Variants in C5orf22 observed in about 807,000 individuals in gnomAD.
C5orf22 encodes the protein UPF0489 protein C5orf22.
In C5orf22, 36 loss-of-function variants were observed where a neutral mutation model predicts 48.7. That is an observed-to-expected ratio of 0.74 (90% CI 0.57 to 0.98). The LOEUF (loss-of-function observed/expected upper bound fraction) is 0.98. Ranked by LOEUF, C5orf22 falls within the 50% of genes least tolerant of loss-of-function variation. The pLI is 0.00. For missense variants in C5orf22, 486 were observed against 521.9 expected (o/e 0.93, Z 0.67); for synonymous variants, 141 against 180.8 (o/e 0.78, Z 1.76).
intron 4 of C5orf22, among the ~76,000 whole-genome samples, chr5:31,540,370 A>G (rs891688057): frequency 3.9e-5 from 6 of 152,156 alleles, no homozygotes; most frequent in African/African-American, 1.4e-4. Flanking sequence ...AAGGGGAAAC[A>G]TTATCCTACA....
chr5:31,541,294 A>C lies in C5orf22; in HGVS notation c.884A>C (p.Asp295Ala), dbSNP rs377626743. 1.2e-5 allele frequency: 19 copies of C among 1,610,458 alleles called. No homozygotes were observed. Among genetic ancestry groups the C allele is most frequent in the Admixed American group, 3.3e-5 (2 of 59,984 alleles). The change falls in exon 6 of 9, where the codon GAT becomes GCT. Residue 295 changes from aspartate (D) to alanine (A), a missense_variant. This residue lies in a region of C5orf22 where 408 missense variants were observed against 444.0 expected (regional missense o/e 0.92). Coordinates refer to ENST00000325366, the MANE Select transcript of C5orf22 (RefSeq NM_018356.3). ...ATGTATTTAAAGGAAGATTTGGTAGATATTGTTGATACTCGAATTCATCAA... is the reference window on the plus strand; with the variant it reads ...ATGTATTTAAAGGAAGATTTGGTAGCTATTGTTGATACTCGAATTCATCAA... The part of the protein sequence containing the change: ...GTNLTEEDLV[D>A]IVDTRIHQLE...
chr5:31,552,565 T>A (rs1351806339), intron 8 of C5orf22, among the ~76,000 whole-genome samples: 1 of 152,224 alleles, frequency 6.6e-6, no homozygotes, highest in Non-Finnish European at 1.5e-5. Context: ...TGTGCCTATT[T>A]CATAGAGTTG....
intron 6 of C5orf22, 24 bp from the exon 7 acceptor site, chr5:31,545,622 T>A: frequency 1.3e-6 from 2 of 1,582,216 alleles, no homozygotes; most frequent in Admixed American, 1.7e-5. Flanking sequence ...TGATGTTTAA[T>A]TGAGTGGGAT....
Position 31,532,327 on chromosome 5 carries a change from G to T in C5orf22, c.-66G>T. 3 of 1,551,734 alleles carry T rather than the reference G, an allele frequency of 1.9e-6. No homozygotes were observed. Among genetic ancestry groups the T allele is most frequent in the Non-Finnish European group, 2.7e-6 (3 of 1,124,662 alleles). ...CCCGGAGAGAGCTGGCCGGGATGAG[G>T]CGCCGGCTTTCCCGGGTCTTCTCCA... On this transcript the variant is annotated 5_prime_UTR_variant, in exon 1 of 9. Transcript: ENST00000325366.
chr5:31,538,688 A>C lies in C5orf22; in HGVS notation c.806A>C (p.Gln269Pro). Residue 269 changes from glutamine (Q) to proline (P), a missense_variant and splice_region_variant, in exon 4 of 9, where the codon CAG (glutamine) becomes CCG (proline). Gln to Pro is a moderately conservative substitution (Grantham distance 76). This residue lies in a region of C5orf22 where 408 missense variants were observed against 444.0 expected (regional missense o/e 0.92). Coordinates refer to ENST00000325366, the MANE Select transcript of C5orf22 (RefSeq NM_018356.3). Reference protein sequence around the residue: ...VKNPFKEMFTQEEYKILQELY... With the variant: ...VKNPFKEMFTPEEYKILQELY... Reference sequence around the variant, plus strand: ...AATCCCTTCAAAGAAATGTTCACTCAGGTAAATAATTGTGTTTTTAACACA... The same window carrying C: ...AATCCCTTCAAAGAAATGTTCACTCCGGTAAATAATTGTGTTTTTAACACA... 1.2e-6 allele frequency: 2 copies of C among 1,604,730 alleles called. No individual in the cohort carries two copies. The highest frequency in any genetic ancestry group is 1.7e-6 in the Non-Finnish European group (2 of 1,174,018).
chr5:31,544,599 T>C (rs1580452425), intron 6 of C5orf22, among the ~76,000 whole-genome samples: 1 of 148,162 alleles, frequency 6.7e-6, no homozygotes, highest in Non-Finnish European at 1.5e-5. Flanking sequence ...AAAAAAAAAA[T>C]GCATCAATGT....
intron 4 of C5orf22, 57 bp from the exon 5 acceptor site, chr5:31,540,892 T>C: frequency 1.6e-6 from 2 of 1,261,484 alleles, no homozygotes; most frequent in Non-Finnish European, 2.3e-6. Flanking sequence ...AAGCATATCA[T>C]TAAAAAATTT....
chr5:31,539,157 A>G (rs957233770), intron 4 of C5orf22, among the ~76,000 whole-genome samples: 1 of 152,252 alleles, frequency 6.6e-6, no homozygotes, highest in African/African-American at 2.4e-5. Flanking sequence ...ATACAGTATA[A>G]CAACTATTTA....
At position 31,553,157 on chromosome 5, in the gene C5orf22, T is replaced by TG. The variant is rs199736333; in HGVS notation, c.*255_*256insG. The TG allele has an allele frequency of 0.019, 5,352 of 282,388 alleles. 277 individuals carry two copies. Among genetic ancestry groups the TG allele is most frequent in the African/African-American group, 0.1 (4,636 of 45,070 alleles). The allele number at this position is 282,388 out of a possible 1,614,324, so 17.5% of individuals were successfully genotyped here. On this transcript the variant is annotated 3_prime_UTR_variant, in exon 9 of 9. Transcript: ENST00000325366. Reference sequence around the variant, plus strand: ...TTAAGTATTTTTTAGGGTTTTGTTTTTTTTTTTGTTTGTTTGTTTGTTTGT... The same window carrying TG: ...TTAAGTATTTTTTAGGGTTTTGTTTTGTTTTTTTGTTTGTTTGTTTGTTTGT...
At position 31,551,432 on chromosome 5, in the gene C5orf22, G is replaced by C; in HGVS notation, c.1199G>C (p.Arg400Thr). Reference sequence around the variant, plus strand: ...AATCCTACTCTTGTGACAATTGCAAGGTAAGTGTGTTCAGCAGAATAATGG... The same window carrying C: ...AATCCTACTCTTGTGACAATTGCAACGTAAGTGTGTTCAGCAGAATAATGG... The part of the protein sequence containing the change: ...LPNPTLVTIA[R>T]SSLDDYCPSD... The change falls in exon 8 of 9, where the codon AGG (arginine) becomes ACG (threonine). Residue 400 changes from arginine (R) to threonine (T), a missense_variant and splice_region_variant. By Grantham distance (71) the Arg-to-Thr change is moderately conservative (BLOSUM62 -1). Coordinates refer to ENST00000325366, the MANE Select transcript of C5orf22 (RefSeq NM_018356.3). 6.2e-7 allele frequency: 1 copy of C among 1,607,946 alleles called. No individual in the cohort carries two copies. Among genetic ancestry groups the C allele is most frequent in the Non-Finnish European group, 8.5e-7 (1 of 1,177,466 alleles).
intron 3 of C5orf22, among the ~76,000 whole-genome samples, chr5:31,536,396 G>A (rs541482825): frequency 9.9e-5 from 15 of 152,224 alleles, no homozygotes; most frequent in African/African-American, 2.4e-4. Flanking sequence ...GGTGGCAGGC[G>A]CCTGTAGTCC....
At chr5:31,533,467 G>T (rs956995905) in intron 1 of C5orf22, among the ~76,000 whole-genome samples, 3 of 152,118 alleles carry the variant, frequency 2.0e-5, no homozygotes, top group African/African-American at 7.2e-5. Flanking sequence ...TTCTCTGGAC[G>T]TTAAAAAAGA....
At position 31,541,284 on chromosome 5, in the gene C5orf22, G is replaced by A; in HGVS notation, c.874G>A (p.Asp292Asn). The change falls in exon 6 of 9, where the codon GAT becomes AAT. Residue 292 changes from aspartate (D) to asparagine (N), a missense_variant. Around this residue, in one of 3 missense-constraint regions of C5orf22, gnomAD observed 408 missense variants for 444.0 expected, o/e 0.92. Transcript: ENST00000325366. ...KKPGTNLTEEDLVDIVDTRIH... is the reference protein window; with the variant it reads ...KKPGTNLTEENLVDIVDTRIH... ...CAGCTTTTCAATGTATTTAAAGGAA[G>A]ATTTGGTAGATATTGTTGATACTCG... is the stretch of plus-strand genomic sequence containing the variant. 1.9e-6 allele frequency: 3 copies of A among 1,610,778 alleles called. No homozygotes were observed. Among genetic ancestry groups the A allele is most frequent in the Non-Finnish European group, 2.5e-6 (3 of 1,177,094 alleles).
At chr5:31,540,267 TG>T (rs1192206169) in intron 4 of C5orf22, among the ~76,000 whole-genome samples, 2 of 152,312 alleles carry the variant, frequency 1.3e-5, no homozygotes, top group African/African-American at 4.8e-5. Flanking sequence ...TTTTAGCCCT[TG>T]GGTATAACCT....
chr5:31,541,205 G>A (rs1031878367), intron 5 of C5orf22, 76 bp from the exon 6 acceptor site: 2 of 1,497,746 alleles, frequency 1.3e-6, no homozygotes, highest in South Asian at 1.2e-5. Context: ...ATAGAGCCAA[G>A]TTTTTTTTGT....
chr5:31,534,175 A>G (rs921323297), intron 1 of C5orf22, 97 bp from the exon 2 acceptor site: 19 of 1,057,908 alleles, frequency 1.8e-5, no homozygotes, highest in Non-Finnish European at 2.6e-5. Flanking sequence ...TATGCTTTCA[A>G]TTATGTGCAT....
chr5:31,538,646 A>T lies in C5orf22; in HGVS notation c.764A>T (p.Asp255Val). The change falls in exon 4 of 9, where the codon GAT becomes GTT. Residue 255 changes from aspartate (D) to valine (V), a missense_variant. Asp to Val is a radical substitution (Grantham distance 152). This residue lies in a region of C5orf22 where 408 missense variants were observed against 444.0 expected (regional missense o/e 0.92). Coordinates refer to ENST00000325366, the MANE Select transcript of C5orf22 (RefSeq NM_018356.3). ...GKAFVLDIDLDFFSVKNPFKE... is the reference protein window; with the variant it reads ...GKAFVLDIDLVFFSVKNPFKE... ...GCATTTGTTTTAGATATTGACTTGG[A>T]TTTTTTTTCAGTCAAGAATCCCTTC... The T allele has an allele frequency of 6.2e-7, 1 of 1,613,280 alleles. No individual in the cohort carries two copies. Among genetic ancestry groups the T allele is most frequent in the Non-Finnish European group, 8.5e-7 (1 of 1,179,584 alleles).
Position 31,538,444 on chromosome 5 carries a change from G to C in C5orf22, c.562G>C (p.Glu188Gln). Reference protein sequence around the residue: ...KKPKLALEDSENTASTNCDSS... With the variant: ...KKPKLALEDSQNTASTNCDSS... ...ACCAAAGCTAGCCCTGGAAGATTCG[G>C]AAAACACTGCCTCTACTAACTGTGA... is the stretch of plus-strand genomic sequence containing the variant. The change falls in exon 4 of 9, where the codon GAA becomes CAA. Residue 188 changes from glutamate (E) to glutamine (Q), a missense_variant. Transcript: ENST00000325366. 1 of 1,614,176 alleles carries C rather than the reference G, an allele frequency of 6.2e-7. No individual in the cohort carries two copies. The highest frequency in any genetic ancestry group is 8.5e-7 in the Non-Finnish European group (1 of 1,180,020).
Position 31,552,768 on chromosome 5 carries a change from T to G in C5orf22, c.1200-5T>G. The stretch of plus-strand genomic sequence containing the variant: ...TTTTCTTCTTTCTCTTTCTGTTGGT[T>G]CTAGGTCAAGTCTGGATGATTACTG... On this transcript the variant is annotated splice_region_variant and splice_polypyrimidine_tract_variant and intron_variant, in intron 8 of 8. Coordinates refer to ENST00000325366, the MANE Select transcript of C5orf22 (RefSeq NM_018356.3). The G allele has an allele frequency of 6.2e-7, 1 of 1,612,430 alleles. No individual in the cohort carries two copies. The highest frequency in any genetic ancestry group is 8.5e-7 in the Non-Finnish European group (1 of 1,179,064).
Sources: gnomAD v4.1 joint callset for allele counts (sites outside exome capture counted in the v4.1 genomes callset) on GRCh38, gnomAD v4.1.1 for gene constraint, gnomAD v4.1.1 regional missense constraint, MANE v1.5 for transcripts, NCBI Gene and HGNC (gene_info 2026-07-23, HGNC 2026-07-21) for gene names.